PTPRG: variants seen among roughly 807,000 people sequenced by gnomAD.
PTPRG encodes the protein receptor-type tyrosine-protein phosphatase gamma.
In PTPRG, 102 loss-of-function variants were observed where a neutral mutation model predicts 165.3. The ratio of observed to expected loss-of-function variants is 0.62; its 90% CI spans 0.53 to 0.73. The LOEUF (loss-of-function observed/expected upper bound fraction) is 0.73. Among genes scored for constraint, PTPRG ranks in the 30% least tolerant of loss-of-function variants. PTPRG has a pLI of 0.00. For missense variants in PTPRG, 1,866 were observed against 1,861.4 expected, an observed-to-expected ratio of 1.00 and a Z score of -0.05; for synonymous variants, 675 against 669.5, an observed-to-expected ratio of 1.01 and a Z score of -0.13.
Position 61,587,003 on chromosome 3 carries a change from A to G in PTPRG, c.85+24631A>G, listed in dbSNP as rs530206664. Among the ~76,000 whole-genome samples the G allele has an allele frequency of 1.8e-4, 27 of 152,292 alleles. 1 individual carries two copies. In the South Asian group the frequency reaches 5.6e-3, roughly 32 times the overall value. ...AGGGGAGTCTGTGATGGCCCATTGCAGGGGCCACTGTTACGGGGGATGGGG... is the reference window on the plus strand; with the variant it reads ...AGGGGAGTCTGTGATGGCCCATTGCGGGGGCCACTGTTACGGGGGATGGGG... On this transcript the variant is annotated intron_variant, in intron 1 of 29. Coordinates refer to ENST00000474889, the MANE Select transcript of PTPRG (RefSeq NM_002841.4).
intron 4 of PTPRG, among the ~76,000 whole-genome samples, chr3:62,045,046 G>A (rs1575931058): frequency 6.6e-6 from 1 of 152,174 alleles, no homozygotes; most frequent in Non-Finnish European, 1.5e-5. Context: ...TGGGGAAGGG[G>A]TGTTGGTGTG....
intron 2 of PTPRG, among the ~76,000 whole-genome samples, chr3:61,937,156 T>C (rs1235493811): frequency 6.6e-6 from 1 of 152,220 alleles, no homozygotes; most frequent in Non-Finnish European, 1.5e-5. Flanking sequence ...TGCTAAAGTC[T>C]TTCCTTGAAA....
At chr3:62,108,190 C>A (rs530218132) in intron 5 of PTPRG, among the ~76,000 whole-genome samples, 1 of 151,974 alleles carries the variant, frequency 6.6e-6, no homozygotes, top group South Asian at 2.1e-4. Flanking sequence ...TGTTATCCCT[C>A]CCCCAGCCCC....
intron 1 of PTPRG, chr3:61,739,220 T>G (rs1559584145): frequency 6.6e-6 from 1 of 152,072 alleles, no homozygotes; most frequent in Non-Finnish European, 1.5e-5. Flanking sequence ...CTGCTTGGCT[T>G]GGAAGTGACT....
intron 1 of PTPRG, among the ~76,000 whole-genome samples, chr3:61,578,800 G>A (rs1456071244): frequency 1.3e-5 from 2 of 152,212 alleles, no homozygotes; most frequent in Non-Finnish European, 2.9e-5. Flanking sequence ...GCACAGCTGG[G>A]AAAACCCCAT....
chr3:61,570,802 T>G (rs954819528), intron 1 of PTPRG, among the ~76,000 whole-genome samples: 1 of 152,218 alleles, frequency 6.6e-6, no homozygotes, highest in African/African-American at 2.4e-5. Flanking sequence ...AAGCGGTGGT[T>G]ATTTATAAAT....
At chr3:61,731,159 A>AC (rs1356740277) in intron 1 of PTPRG, among the ~76,000 whole-genome samples, 2 of 152,110 alleles carry the variant, frequency 1.3e-5, no homozygotes, top group Non-Finnish European at 2.9e-5. Context: ...AATAGTTTTT[A>AC]CCCCCGTTGA....
chr3:62,028,832 T>C (rs111885866), intron 4 of PTPRG, among the ~76,000 whole-genome samples: 1,833 of 152,358 alleles, frequency 0.012, 23 homozygotes, highest in Non-Finnish European at 0.017. Flanking sequence ...ATTTCCTCCT[T>C]CTGCTGTAGA....
chr3:62,067,922 T>G (rs1425760556), intron 4 of PTPRG, among the ~76,000 whole-genome samples: 1 of 152,140 alleles, frequency 6.6e-6, no homozygotes, highest in Non-Finnish European at 1.5e-5. Context: ...AATCACCCCA[T>G]GTTAAGAACA....
At chr3:62,072,069 TG>T (rs1441994562) in intron 4 of PTPRG, among the ~76,000 whole-genome samples, 9 of 152,160 alleles carry the variant, frequency 5.9e-5, no homozygotes, top group Admixed American at 5.9e-4. Context: ...AAACTACAAC[TG>T]GAATTATTTT....
At chr3:61,888,568 C>A (rs575537667) in intron 2 of PTPRG, among the ~76,000 whole-genome samples, 23 of 152,138 alleles carry the variant, frequency 1.5e-4, no homozygotes, top group Admixed American at 8.5e-4. Flanking sequence ...CCTGACCTTG[C>A]GATCCGCCCG....
In PTPRG at chr3:61,562,179, C is replaced by G. The variant is rs180692943; in HGVS notation, c.-109C>G. ...CGCCGAGCGCGGGGGGCCCGTGGAG[C>G]GGGCGAGCCGGGGAAGCGCCCCGGC... On this transcript the variant is annotated 5_prime_UTR_variant, in exon 1 of 30. Coordinates refer to ENST00000474889, the MANE Select transcript of PTPRG (RefSeq NM_002841.4). 2,441 of 952,286 alleles carry G rather than the reference C, an allele frequency of 2.6e-3. 43 individuals carry two copies. In the African/African-American group the frequency reaches 0.035, roughly 14 times the overall value. 59.0% of individuals were successfully genotyped at this position (952,286 alleles called of 1,614,324 possible). A position where few individuals can be genotyped will look rare whatever the true frequency, so the allele number is the denominator to read the frequency against.
At chr3:61,610,441 G>T (rs1701133233) in intron 1 of PTPRG, among the ~76,000 whole-genome samples, 1 of 152,104 alleles carries the variant, frequency 6.6e-6, no homozygotes, top group Non-Finnish European at 1.5e-5. Context: ...TAAAAAAATT[G>T]CCCAGGCAGG....
chr3:62,135,102 G>C (rs1228121867), intron 6 of PTPRG, among the ~76,000 whole-genome samples: 1 of 151,472 alleles, frequency 6.6e-6, no homozygotes, highest in Non-Finnish European at 1.5e-5. Flanking sequence ...GCAAAACCTT[G>C]TCTCTACAAA....
chr3:61,701,524 C>CT (rs2030955909), intron 1 of PTPRG, among the ~76,000 whole-genome samples: 1 of 152,144 alleles, frequency 6.6e-6, no homozygotes. Context: ...TATTTAGTGA[C>CT]TAATTTTTCT....
chr3:62,115,629 C>G (rs1344178169), intron 5 of PTPRG, among the ~76,000 whole-genome samples: 1 of 151,786 alleles, frequency 6.6e-6, no homozygotes, highest in Non-Finnish European at 1.5e-5. Flanking sequence ...TAGATTGATC[C>G]AAGGCACATT....
intron 2 of PTPRG, among the ~76,000 whole-genome samples, chr3:61,831,734 CT>C (rs530522397): frequency 3.9e-4 from 60 of 152,276 alleles, no homozygotes; most frequent in Non-Finnish European, 6.8e-4. Flanking sequence ...ATTTTGGGTG[CT>C]TTTTGAGTTT....
rs1361703747 is a variant in PTPRG at position 62,203,989 on chromosome 3, G to A, written c.2155+39G>A. On this transcript the variant is annotated intron_variant, in intron 12 of 29. Transcript: ENST00000474889. The surrounding 1 kb of genome is among the most constrained non-coding windows in gnomAD (Gnocchi z 6.4). Reference sequence around the variant, plus strand: ...GTCTTCTTCGAGGGTTCCTGCTCCTGTGAATAGTCGTACCCTTTTTCAAAA... The same window carrying A: ...GTCTTCTTCGAGGGTTCCTGCTCCTATGAATAGTCGTACCCTTTTTCAAAA... The A allele has an allele frequency of 6.6e-7, 1 of 1,514,690 alleles. No homozygotes were observed. The highest frequency in any genetic ancestry group is 8.8e-7 in the Non-Finnish European group (1 of 1,131,032). The allele number at this position is 1,514,690 out of a possible 1,614,324, so 93.8% of individuals were successfully genotyped here.
intron 13 of PTPRG, among the ~76,000 whole-genome samples, chr3:62,225,994 G>A (rs888427224): frequency 2.0e-5 from 3 of 152,164 alleles, no homozygotes; most frequent in African/African-American, 7.2e-5. Flanking sequence ...TACTAGACAT[G>A]TGCTCAGCAG....
Sources: gnomAD v4.1 joint callset for allele counts (sites outside exome capture counted in the v4.1 genomes callset) on GRCh38, gnomAD v4.1.1 for gene constraint, Gnocchi (gnomAD v3.1) non-coding constraint, MANE v1.5 for transcripts, NCBI Gene and HGNC (gene_info 2026-07-23, HGNC 2026-07-21) for gene names.